PLCZ1: variants seen among roughly 807,000 people sequenced by gnomAD.
PLCZ1 encodes the protein phospholipase C zeta 1.
PLCZ1 carries 64 observed loss-of-function variants against 76.8 expected under a neutral mutation model. That is an observed-to-expected ratio of 0.83 (90% CI 0.68 to 1.03). PLCZ1 has a LOEUF of 1.03. Ranked by LOEUF, PLCZ1 falls within the 50% of genes least tolerant of loss-of-function variation. The probability of loss-of-function intolerance (pLI) is 0.00; values close to 1 mark genes in which losing one functional copy is unlikely to be tolerated. For synonymous variants in PLCZ1, 248 were observed against 230.8 expected (o/e 1.07, Z -0.68); for missense variants, 751 against 713.7 (o/e 1.05, Z -0.60).
chr12:18,736,387 T>C lies in PLCZ1; in HGVS notation c.12-43A>G, dbSNP rs201016093. On this transcript the variant is annotated intron_variant, in intron 2 of 14. Coordinates refer to ENST00000266505, the MANE Select transcript of PLCZ1 (RefSeq NM_033123.4). ...TTAAGGAAATTCTCACAGAAAGTCA[T>C]TGAATATTTAAAATTCCTAAAGAAA... The C allele has an allele frequency of 1.2e-4, 196 of 1,588,066 alleles. No individual in the cohort carries two copies. In the East Asian group the frequency reaches 2.4e-3, roughly 20 times the overall value.
chr12:18,713,230 T>A (rs1592213524), intron 5 of PLCZ1, among the ~76,000 whole-genome samples: 1 of 152,206 alleles, frequency 6.6e-6, no homozygotes, highest in South Asian at 2.1e-4. Flanking sequence ...GTTTTACTCT[T>A]CCGTGCTCTC....
chr12:18,693,144 G>A lies in PLCZ1; in HGVS notation c.1461+1766C>T, dbSNP rs576802220. On this transcript the variant is annotated intron_variant, in intron 12 of 14. Transcript: ENST00000266505. Reference sequence around the variant, plus strand: ...GATCATTGATGACAATCATGCCATCGTGTCTACATCTGTGGGCTCAGAACA... The same window carrying A: ...GATCATTGATGACAATCATGCCATCATGTCTACATCTGTGGGCTCAGAACA... 74 of 1,516,372 alleles carry A rather than the reference G, an allele frequency of 4.9e-5. No homozygotes were observed. The Admixed American group carries it at 8.2e-4, about 17-fold the overall frequency. The allele number at this position is 1,516,372 out of a possible 1,614,324, so 93.9% of individuals were successfully genotyped here. A position where few individuals can be genotyped will look rare whatever the true frequency, so the allele number is the denominator to read the frequency against.
the PLCZ1 span, among the ~76,000 whole-genome samples, chr12:18,657,277 G>A: frequency 1.3e-5 from 2 of 152,068 alleles, no homozygotes; most frequent in South Asian, 2.1e-4. Flanking sequence ...GATGTTTTGG[G>A]GAATAAGGGC....
intron 11 of PLCZ1, among the ~76,000 whole-genome samples, chr12:18,695,475 A>G (rs935678536): frequency 6.6e-6 from 1 of 152,154 alleles, no homozygotes; most frequent in South Asian, 2.1e-4. Context: ...TGCTGTTGTC[A>G]CTTGAGGAGA....
chr12:18,694,050 A>T, intron 12 of PLCZ1: 1 of 1,372,072 alleles, frequency 7.3e-7, no homozygotes, highest in Non-Finnish European at 1.0e-6. Context: ...TCTAAAGAAA[A>T]TGTTCTTTAT....
intron 10 of PLCZ1, among the ~76,000 whole-genome samples, chr12:18,696,755 G>A (rs1015005191): frequency 2.1e-4 from 32 of 152,148 alleles, no homozygotes; most frequent in Non-Finnish European, 5.9e-5. Flanking sequence ...CAGGTTCTCA[G>A]GGTTGAAAGG....
the PLCZ1 span, among the ~76,000 whole-genome samples, chr12:18,674,775 T>C: frequency 6.6e-6 from 1 of 152,142 alleles, no homozygotes; most frequent in African/African-American, 2.4e-5. Flanking sequence ...ACTTCTGTAA[T>C]GAGTTGAAAG....
intron 12 of PLCZ1, among the ~76,000 whole-genome samples, chr12:18,691,220 C>G (rs1190910694): frequency 1.3e-5 from 2 of 152,078 alleles, no homozygotes; most frequent in African/African-American, 2.4e-5. Context: ...TCCCAATTTT[C>G]TAGTCCGAGC....
At chr12:18,734,255 A>C (rs1959175661) in intron 3 of PLCZ1, among the ~76,000 whole-genome samples, 1 of 152,204 alleles carries the variant, frequency 6.6e-6, no homozygotes. Context: ...TGGATAGTAC[A>C]TAGTTAATGA....
intron 6 of PLCZ1, among the ~76,000 whole-genome samples, chr12:18,708,995 C>T (rs550444239): frequency 7.9e-5 from 12 of 152,168 alleles, no homozygotes; most frequent in African/African-American, 2.6e-4. Context: ...GTTTCCTTTG[C>T]TGTGCAAAAG....
intron 6 of PLCZ1, among the ~76,000 whole-genome samples, chr12:18,707,801 G>A (rs766706876): frequency 1.1e-4 from 17 of 152,068 alleles, no homozygotes; most frequent in Admixed American, 3.3e-4. Flanking sequence ...TGTTCAGCTG[G>A]GAAGTCTCAT....
chr12:18,687,450 A>G (rs1953331990), intron 13 of PLCZ1, among the ~76,000 whole-genome samples: 1 of 152,114 alleles, frequency 6.6e-6, no homozygotes, highest in South Asian at 2.1e-4. Context: ...CAATCCCAGG[A>G]ACCTATCCTT....
intron 12 of PLCZ1, among the ~76,000 whole-genome samples, chr12:18,691,026 C>T (rs184847762): frequency 8.2e-4 from 125 of 152,214 alleles, no homozygotes; most frequent in Non-Finnish European, 1.5e-3. Flanking sequence ...AGACAGGCTA[C>T]CTGAAACCAT....
chr12:18,719,205 G>A (rs1958287286), intron 5 of PLCZ1, among the ~76,000 whole-genome samples: 1 of 152,118 alleles, frequency 6.6e-6, no homozygotes, highest in Non-Finnish European at 1.5e-5. Flanking sequence ...TAACAGGTGG[G>A]ATTAGAAGGA....
chr12:18,673,250 C>G, the PLCZ1 span, among the ~76,000 whole-genome samples: 1 of 152,048 alleles, frequency 6.6e-6, no homozygotes, highest in African/African-American at 2.4e-5. Context: ...AAAAACTGTT[C>G]TTCAGCTATC....
At chr12:18,702,108 G>C (rs1008529447) in intron 7 of PLCZ1, among the ~76,000 whole-genome samples, 1 of 151,916 alleles carries the variant, frequency 6.6e-6, no homozygotes, top group East Asian at 1.9e-4. Context: ...ATATTGCAAT[G>C]AAAATGTTAC....
the PLCZ1 span, among the ~76,000 whole-genome samples, chr12:18,650,293 TTCTCTCTCTC>T: frequency 0.045 from 3,900 of 87,614 alleles, 156 homozygotes; most frequent in African/African-American, 0.098. Flanking sequence ...TAACCCAAAT[TTCTCTCTCTC>T]TCTCTCTCTC....
At chr12:18,716,780 T>C (rs1373878652) in intron 5 of PLCZ1, among the ~76,000 whole-genome samples, 1 of 152,246 alleles carries the variant, frequency 6.6e-6, no homozygotes, top group Non-Finnish European at 1.5e-5. Flanking sequence ...GTAATTTTTG[T>C]TGTAACTTAT....
At chr12:18,694,008 G>A (rs2137155211) in intron 12 of PLCZ1, 1 of 1,482,576 alleles carries the variant, frequency 6.7e-7, no homozygotes, top group Non-Finnish European at 9.4e-7. Context: ...AGAGAACGTA[G>A]AATGAAAGTA....
Sources: allele counts gnomAD v4.1 joint callset (sites outside exome capture counted in the v4.1 genomes callset), GRCh38; gene constraint gnomAD v4.1.1; transcripts MANE v1.5; gene names NCBI Gene and HGNC (gene_info 2026-07-23, HGNC 2026-07-21).